PIBF1: variants seen among roughly 807,000 people sequenced by gnomAD.
PIBF1 encodes the protein progesterone-induced-blocking factor 1.
In PIBF1, 90 loss-of-function variants were observed where a neutral mutation model predicts 112.5. The ratio of observed to expected loss-of-function variants is 0.80; its 90% CI spans 0.67 to 0.95. The LOEUF (loss-of-function observed/expected upper bound fraction) is 0.95, where lower values mean the gene tolerates loss of function less well. Ranked by LOEUF, PIBF1 falls within the 40% of genes least tolerant of loss-of-function variation. PIBF1 has a pLI of 0.00. For synonymous variants in PIBF1, 301 were observed against 288.6 expected, an observed-to-expected ratio of 1.04 and a Z score of -0.44; for missense variants, 915 against 852.3, an observed-to-expected ratio of 1.07 and a Z score of -0.92.
intron 8 of PIBF1, among the ~76,000 whole-genome samples, chr13:72,830,058 A>G (rs983290691): frequency 6.6e-6 from 1 of 152,084 alleles, no homozygotes; most frequent in Admixed American, 6.5e-5. Context: ...ATGGGAGTTC[A>G]CTCATGATTT....
At position 72,995,396 on chromosome 13, in the gene PIBF1, A is replaced by C. The variant is rs1006861041; in HGVS notation, c.2050-3426A>C. Among the ~76,000 whole-genome samples the C allele has an allele frequency of 1.2e-4, 19 of 152,300 alleles. 3 individuals carry two copies. The highest frequency in any genetic ancestry group is 3.9e-4 in the Admixed American group (6 of 15,294). On this transcript the variant is annotated intron_variant, in intron 16 of 17. Coordinates refer to ENST00000326291, the MANE Select transcript of PIBF1 (RefSeq NM_006346.4). ...ATACAGCCAGAAAAATACATCATTC[A>C]TTAAAGAGTAAAACATTAAAACAGT... is the stretch of plus-strand genomic sequence containing the variant.
intron 11 of PIBF1, among the ~76,000 whole-genome samples, chr13:72,899,100 C>A (rs997535193): frequency 3.7e-4 from 57 of 152,014 alleles, no homozygotes; most frequent in Admixed American, 4.6e-4. Context: ...CCTAAAAAGA[C>A]CAATAACAAG....
chr13:72,835,665 G>C (rs1409114328), intron 9 of PIBF1, among the ~76,000 whole-genome samples: 3 of 152,036 alleles, frequency 2.0e-5, no homozygotes, highest in Non-Finnish European at 4.4e-5. Context: ...AAAGTAAAGA[G>C]TGCTGAGATA....
At position 72,981,886 on chromosome 13, in the gene PIBF1, A is replaced by G. The variant is rs2043166271; in HGVS notation, c.2049+8211A>G. On this transcript the variant is annotated intron_variant, in intron 16 of 17. Transcript: ENST00000326291. ...TATTCCTTACATCTTCTACATTTTG[A>G]AATACTATGGAAAAAGCCAGCAGTC... 2.6e-5 allele frequency among the ~76,000 whole-genome samples: 4 copies of G among 152,176 alleles called. No individual in the cohort carries two copies. In the South Asian group the frequency reaches 8.3e-4, roughly 32 times the overall value.
chr13:72,861,600 C>T (rs1198626852), intron 10 of PIBF1, among the ~76,000 whole-genome samples: 2 of 151,994 alleles, frequency 1.3e-5, no homozygotes, highest in African/African-American at 4.8e-5. Context: ...ATATTTTAAT[C>T]TGCTACTAGG....
intron 10 of PIBF1, among the ~76,000 whole-genome samples, chr13:72,864,616 A>T (rs1594080736): frequency 6.6e-6 from 1 of 152,054 alleles, no homozygotes; most frequent in Admixed American, 6.6e-5. Flanking sequence ...CCATAGGGGG[A>T]ACTTTTTATA....
chr13:72,805,025 G>A (rs1473486185), intron 5 of PIBF1, among the ~76,000 whole-genome samples: 1 of 152,182 alleles, frequency 6.6e-6, no homozygotes, highest in Non-Finnish European at 1.5e-5. Flanking sequence ...CTAGGCTGCA[G>A]TGCAGTGGTA....
At chr13:72,953,781 C>G (rs1350050913) in intron 14 of PIBF1, among the ~76,000 whole-genome samples, 1 of 152,056 alleles carries the variant, frequency 6.6e-6, no homozygotes, top group Non-Finnish European at 1.5e-5. Context: ...GCCTGGCTAC[C>G]AGCCAGGAGG....
intron 10 of PIBF1, among the ~76,000 whole-genome samples, chr13:72,859,450 G>A (rs1032049456): frequency 6.6e-6 from 1 of 151,922 alleles, no homozygotes; most frequent in East Asian, 1.9e-4. Flanking sequence ...TTAAAAAATG[G>A]GTATATGGTA....
chr13:72,996,090 G>GC (rs971366185), intron 16 of PIBF1, among the ~76,000 whole-genome samples: 4 of 123,562 alleles, frequency 3.2e-5, no homozygotes, highest in South Asian at 6.3e-4. Context: ...AAAAAAGCGG[G>GC]GGGGGGGGGT....
chr13:72,812,946 C>T lies in PIBF1; in HGVS notation c.673-8903C>T, dbSNP rs552761063. ...TCCAGCCTGTGTAAGAGTGAGACTC[C>T]GCCTCAAAAAAAAGAAAGAAAAAAG... On this transcript the variant is annotated intron_variant, in intron 5 of 17. Coordinates refer to ENST00000326291, the MANE Select transcript of PIBF1 (RefSeq NM_006346.4). Among the ~76,000 whole-genome samples, 10 of 151,512 alleles carry T rather than the reference C, an allele frequency of 6.6e-5. No individual in the cohort carries two copies. The South Asian group carries it at 8.3e-4, about 13-fold the overall frequency.
At chr13:72,866,380 G>C (rs1272973110) in intron 10 of PIBF1, among the ~76,000 whole-genome samples, 1 of 152,008 alleles carries the variant, frequency 6.6e-6, no homozygotes, top group Non-Finnish European at 1.5e-5. Context: ...ATATTTACTT[G>C]AGTTCTTCAA....
chr13:72,959,064 T>C (rs2042535248), intron 14 of PIBF1, among the ~76,000 whole-genome samples: 1 of 151,934 alleles, frequency 6.6e-6, no homozygotes. Context: ...AGTGGCGTGA[T>C]CTCGGCTCAC....
chr13:72,986,735 C>A (rs1318509256), intron 16 of PIBF1, among the ~76,000 whole-genome samples: 4 of 136,858 alleles, frequency 2.9e-5, no homozygotes, highest in African/African-American at 1.1e-4. Context: ...CCAGGCCGGA[C>A]TGCGGACTGC....
intron 10 of PIBF1, among the ~76,000 whole-genome samples, chr13:72,892,440 C>T (rs1051376346): frequency 6.6e-6 from 1 of 152,078 alleles, no homozygotes; most frequent in Admixed American, 6.6e-5. Flanking sequence ...GGTATTTTCA[C>T]TCACTGACAG....
At chr13:72,841,034 AAAAG>A (rs2037588034) in intron 9 of PIBF1, among the ~76,000 whole-genome samples, 1 of 152,338 alleles carries the variant, frequency 6.6e-6, no homozygotes, top group South Asian at 2.1e-4. Flanking sequence ...GTATTGAGAG[AAAAG>A]AAAGAGAGTA....
intron 10 of PIBF1, among the ~76,000 whole-genome samples, chr13:72,880,276 A>G (rs971705679): frequency 4.6e-5 from 7 of 152,182 alleles, no homozygotes; most frequent in African/African-American, 7.2e-5. Context: ...CAAAATTCCA[A>G]TATTTTAAAG....
intron 9 of PIBF1, among the ~76,000 whole-genome samples, chr13:72,851,137 T>C (rs901922225): frequency 6.6e-6 from 1 of 152,202 alleles, no homozygotes; most frequent in Non-Finnish European, 1.5e-5. Flanking sequence ...CAGGGCTGCA[T>C]GCTCCACTGA....
intron 9 of PIBF1, among the ~76,000 whole-genome samples, chr13:72,845,736 G>A (rs1441262176): frequency 1.3e-5 from 2 of 152,040 alleles, no homozygotes; most frequent in African/African-American, 2.4e-5. Context: ...GTTTTGATTT[G>A]CATTTCTCTA....
Sources: gnomAD v4.1 joint callset for allele counts (sites outside exome capture counted in the v4.1 genomes callset) on GRCh38, gnomAD v4.1.1 for gene constraint, MANE v1.5 for transcripts, NCBI Gene and HGNC (gene_info 2026-07-23, HGNC 2026-07-21) for gene names.